CLCN2: variants seen among roughly 807,000 people sequenced by gnomAD.
CLCN2 encodes the protein chloride voltage-gated channel 2.
Under a neutral mutation model 108.3 loss-of-function variants are expected in CLCN2, and 72 were observed. The ratio of observed to expected loss-of-function variants is 0.66; its 90% CI spans 0.55 to 0.81. The LOEUF (loss-of-function observed/expected upper bound fraction) is 0.81, where lower values mean the gene tolerates loss of function less well. CLCN2 is among the 30% of genes least tolerant of loss of function. The probability of loss-of-function intolerance (pLI) is 0.00; values close to 1 mark genes in which losing one functional copy is unlikely to be tolerated. For missense variants in CLCN2, 1,048 were observed against 1,205.2 expected, an observed-to-expected ratio of 0.87 and a Z score of 1.93; for synonymous variants, 471 against 467.1, an observed-to-expected ratio of 1.01 and a Z score of -0.11.
At chr3:184,353,468 C>T in intron 16 of CLCN2, 46 bp from the exon 17 acceptor site, 1 of 1,562,702 alleles carries the variant, frequency 6.4e-7, no homozygotes, top group Admixed American at 1.9e-5. Flanking sequence ...AGGGAGCCCT[C>T]CAGCCCCGTC....
chr3:184,356,933 G>C, intron 10 of CLCN2, 60 bp downstream of exon 10: 1 of 1,189,776 alleles, frequency 8.4e-7, no homozygotes. Flanking sequence ...ACTGTCCCCT[G>C]ACCTACTGTG....
In CLCN2 at chr3:184,352,740, C is replaced by G. The variant is rs144202469; in HGVS notation, c.2214G>C (p.Ser738=). The stretch of plus-strand genomic sequence containing the variant: ...AGGACAGGCTCCAGCCACTCACCTC[C>G]GAAGCAGCCTCAGGGGGTGGACTGC... ...FCGSPPPEAA[S]EKLESCEKRK... The change falls in exon 19 of 24, where the codon TCG becomes TCC. Residue 738 remains serine (S), a synonymous_variant. Transcript: ENST00000265593. The G allele has an allele frequency of 8.1e-6, 13 of 1,613,070 alleles. No individual in the cohort carries two copies. The highest frequency in any genetic ancestry group is 1.1e-5 in the Non-Finnish European group (13 of 1,179,954).
intron 22 of CLCN2, among the ~76,000 whole-genome samples, chr3:184,351,663 G>C (rs906116497): frequency 4.6e-5 from 7 of 152,138 alleles, no homozygotes; most frequent in Admixed American, 6.5e-5. Flanking sequence ...CCGCATGGGC[G>C]TATCAACCTT....
chr3:184,347,177 A>G, intron 22 of CLCN2, 156 bp from the exon 23 acceptor site: 1 of 699,560 alleles, frequency 1.4e-6, no homozygotes, highest in Admixed American at 2.0e-5. Flanking sequence ...AATAATAACA[A>G]TCGTAATAAT....
In CLCN2 at chr3:184,352,002, G is replaced by A; in HGVS notation, c.2415+11C>T. On this transcript the variant is annotated intron_variant, in intron 22 of 23. Coordinates refer to ENST00000265593, the MANE Select transcript of CLCN2 (RefSeq NM_004366.6). ...GCCTAGACCAGCCCTGGGCCAGGCT[G>A]CTGGCCCTACCTTGTGCAAAGAGGT... 1.3e-6 allele frequency: 2 copies of A among 1,594,872 alleles called. No homozygotes were observed. Among genetic ancestry groups the A allele is most frequent in the Non-Finnish European group, 8.6e-7 (1 of 1,163,194 alleles).
At chr3:184,349,620 A>C (rs368825052) in intron 22 of CLCN2, 2 of 152,352 alleles carry the variant, frequency 1.3e-5, no homozygotes, top group South Asian at 4.1e-4. Flanking sequence ...TAGGAGTAGT[A>C]ACAGTAATTC....
Position 184,357,217 on chromosome 3 carries a change from A to C in CLCN2, c.948T>G (p.Phe316Leu). Residue 316 changes from phenylalanine (F) to leucine (L), a missense_variant, in exon 9 of 24, where the codon TTT becomes TTG. Phe to Leu is a conservative substitution (Grantham distance 22). Transcript: ENST00000265593. ...CAAAGGCTGGCAGCTCCTGCAGGTC[A>C]AAGGGGAAGTCGAGCCGGAATCGGG... ...FKTRFRLDFP[F>L]DLQELPAFAV... is the part of the protein sequence containing the mutation. The C allele has an allele frequency of 6.2e-7, 1 of 1,613,890 alleles. No individual in the cohort carries two copies. The highest frequency in any genetic ancestry group is 8.5e-7 in the Non-Finnish European group (1 of 1,179,988).
intron 7 of CLCN2, 31 bp downstream of exon 7, chr3:184,357,589 G>C (rs760612212): frequency 8.1e-6 from 13 of 1,613,844 alleles, no homozygotes; most frequent in African/African-American, 2.7e-5. Context: ...GCAGGGTTGT[G>C]GGGCTGGACT....
chr3:184,352,025 G>A lies in CLCN2; in HGVS notation c.2403C>T (p.Thr801=). 1 of 1,613,364 alleles carries A rather than the reference G, an allele frequency of 6.2e-7. No individual in the cohort carries two copies. Among genetic ancestry groups the A allele is most frequent in the Non-Finnish European group, 8.5e-7 (1 of 1,179,634 alleles). The change falls in exon 22 of 24, where the codon ACC becomes ACT. Residue 801 remains threonine, a synonymous_variant. Coordinates refer to ENST00000265593, the MANE Select transcript of CLCN2 (RefSeq NM_004366.6). The stretch of plus-strand genomic sequence containing the variant: ...CTGCTGGCCCTACCTTGTGCAAAGA[G>A]GTCCGCTCCACCAGCTGGAAGGGAG... ...DPAPFQLVER[T]SLHKTHTIFS... is the part of the protein sequence containing the mutation.
chr3:184,352,918 CAT>C, intron 18 of CLCN2, 108 bp from the exon 19 acceptor site: 1 of 1,534,624 alleles, frequency 6.5e-7, no homozygotes, highest in East Asian at 2.2e-5. Context: ...AGCCCTGGCC[CAT>C]GTGGGCAGCC....
Position 184,353,711 on chromosome 3 carries a change from C to T in CLCN2, c.1806G>A (p.Leu602=). 1 of 1,611,014 alleles carries T rather than the reference C, an allele frequency of 6.2e-7. No homozygotes were observed. The highest frequency in any genetic ancestry group is 8.5e-7 in the Non-Finnish European group (1 of 1,179,098). The change falls in exon 16 of 24, where the codon TTG becomes TTA. Residue 602 remains leucine (L), a synonymous_variant. Coordinates refer to ENST00000265593, the MANE Select transcript of CLCN2 (RefSeq NM_004366.6). ...TTCGGCCCTTGGTCCTGTGCAGTGC[C>T]AAACGCAGGTCCCGGAAGGTGCAGC... is the stretch of plus-strand genomic sequence containing the variant. The part of the protein sequence containing the change: ...ALSCTFRDLR[L]ALHRTKGRML...
At chr3:184,351,864 C>T in intron 22 of CLCN2, 149 bp downstream of exon 22, 1 of 738,294 alleles carries the variant, frequency 1.4e-6, no homozygotes, top group South Asian at 1.4e-5. Flanking sequence ...ATCATCCAAG[C>T]AGTATGTCTA....
Position 184,353,657 on chromosome 3 carries a change from C to T in CLCN2, c.1855+5G>A. 1 of 1,612,270 alleles carries T rather than the reference C, an allele frequency of 6.2e-7. No individual in the cohort carries two copies. The highest frequency in any genetic ancestry group is 8.5e-7 in the Non-Finnish European group (1 of 1,179,878). On this transcript the variant is annotated splice_donor_5th_base_variant and intron_variant, in intron 16 of 23. Coordinates refer to ENST00000265593, the MANE Select transcript of CLCN2 (RefSeq NM_004366.6). ...CCTAGCACCTGGGACCCCTCCTGGCCTCACCAGGGGACTCCACTAGGGCCA... is the reference window on the plus strand; with the variant it reads ...CCTAGCACCTGGGACCCCTCCTGGCTTCACCAGGGGACTCCACTAGGGCCA...
intron 22 of CLCN2, chr3:184,348,606 A>AATTTCCTTG (rs1727873399): frequency 6.6e-6 from 1 of 151,928 alleles, no homozygotes; most frequent in Admixed American, 6.6e-5. Flanking sequence ...AGTTAGCTTT[A>AATTTCCTTG]ATTTCCTTGT....
At chr3:184,347,222 T>C in intron 22 of CLCN2, 1 of 634,858 alleles carries the variant, frequency 1.6e-6, no homozygotes, top group Non-Finnish European at 2.9e-6. Context: ...CCTCAGGAAC[T>C]TGATACTCAA....
At position 184,357,847 on chromosome 3, in the gene CLCN2, C is replaced by G; in HGVS notation, c.625G>C (p.Val209Leu). ...GMPLGKEGPFVHIASMCAALL... is the reference protein window; with the variant it reads ...GMPLGKEGPFLHIASMCAALL... ...GCAGCACACATGCTTGCGATATGCA[C>G]AAAAGGGCCCTGCGGGGTGGGGCAG... Residue 209 changes from valine to leucine, a missense_variant, in exon 6 of 24, where the codon GTG becomes CTG. Coordinates refer to ENST00000265593, the MANE Select transcript of CLCN2 (RefSeq NM_004366.6). 1 of 1,613,964 alleles carries G rather than the reference C, an allele frequency of 6.2e-7. No individual in the cohort carries two copies. The highest frequency in any genetic ancestry group is 8.5e-7 in the Non-Finnish European group (1 of 1,180,034).
Position 184,358,233 on chromosome 3 carries a change from G to A in CLCN2, c.430C>T (p.Leu144Phe). The A allele has an allele frequency of 6.2e-7, 1 of 1,614,162 alleles. No homozygotes were observed. Among genetic ancestry groups the A allele is most frequent in the Non-Finnish European group, 8.5e-7 (1 of 1,180,038 alleles). Residue 144 changes from leucine to phenylalanine, a missense_variant, in exon 4 of 24, where the codon CTC becomes TTC. Leu to Phe is a conservative substitution (Grantham distance 22). Coordinates refer to ENST00000265593, the MANE Select transcript of CLCN2 (RefSeq NM_004366.6). Reference sequence around the variant, plus strand: ...GTGAATCCGGCTGAGAAAGTGATGAGGACAACAGGGTAGGTGACCCAGGCC... The same window carrying A: ...GTGAATCCGGCTGAGAAAGTGATGAAGACAACAGGGTAGGTGACCCAGGCC... The part of the protein sequence containing the change: ...YLAWVTYPVV[L>F]ITFSAGFTQI...
In CLCN2 at chr3:184,355,558, G is replaced by A. The variant is rs1728485838; in HGVS notation, c.1171-29C>T. ...GAGTGAACAGGGTGCCTCAGGCTGG[G>A]AAACCGACAGGATGAAGGGAAGAGG... On this transcript the variant is annotated intron_variant, in intron 11 of 23. Coordinates refer to ENST00000265593, the MANE Select transcript of CLCN2 (RefSeq NM_004366.6). The surrounding 1 kb of genome is among the most constrained non-coding windows in gnomAD (Gnocchi z 6.3). 6.2e-7 allele frequency: 1 copy of A among 1,613,824 alleles called. No individual in the cohort carries two copies. Among genetic ancestry groups the A allele is most frequent in the African/African-American group, 1.3e-5 (1 of 74,908 alleles).
chr3:184,350,630 T>A (rs1446123563), intron 22 of CLCN2, among the ~76,000 whole-genome samples: 2 of 151,824 alleles, frequency 1.3e-5, no homozygotes, highest in Non-Finnish European at 2.9e-5. Flanking sequence ...AGAGATGGAG[T>A]TTCACCATGT....
Sources: gnomAD v4.1 joint callset for allele counts (sites outside exome capture counted in the v4.1 genomes callset) on GRCh38, gnomAD v4.1.1 for gene constraint, Gnocchi (gnomAD v3.1) non-coding constraint, MANE v1.5 for transcripts, NCBI Gene and HGNC (gene_info 2026-07-23, HGNC 2026-07-21) for gene names.